FAM53B: variants seen among roughly 807,000 people sequenced by gnomAD.
The protein encoded by FAM53B is protein FAM53B.
FAM53B carries 12 observed loss-of-function variants against 32.7 expected under a neutral mutation model. The observed-to-expected ratio is 0.37, with a 90% confidence interval of 0.24 to 0.59. The LOEUF is 0.59. Among genes scored for constraint, FAM53B ranks in the 20% least tolerant of loss-of-function variants. The pLI is 0.72. For missense variants in FAM53B, 477 were observed against 577.7 expected (o/e 0.83, Z 1.79); for synonymous variants, 234 against 228.7 (o/e 1.02, Z -0.21).
chr10:124,711,220 G>A (rs536494811), intron 1 of FAM53B, among the ~76,000 whole-genome samples: 1 of 152,138 alleles, frequency 6.6e-6, no homozygotes, highest in Non-Finnish European at 1.5e-5. Context: ...GTCCCCAAAG[G>A]CTCACTATTC....
chr10:124,705,240 C>A (rs1949945649), intron 2 of FAM53B, among the ~76,000 whole-genome samples: 1 of 152,186 alleles, frequency 6.6e-6, no homozygotes, highest in Non-Finnish European at 1.5e-5. Flanking sequence ...AGACTGGCGT[C>A]CAGACACCAG....
rs559479166 is a variant in FAM53B at position 124,705,343 on chromosome 10, T to TG, written c.78+1292dup. ...CGGAGCCAGTGAGGCAGTTACTGCCTGCTCCAGGTTGCAGCTGCCTCATTT... is the reference window on the plus strand; with the variant it reads ...CGGAGCCAGTGAGGCAGTTACTGCCTGGCTCCAGGTTGCAGCTGCCTCATTT... On this transcript the variant is annotated intron_variant, in intron 2 of 4. Transcript: ENST00000337318. Among the ~76,000 whole-genome samples the TG allele has an allele frequency of 4.1e-4, 63 of 152,360 alleles. 1 individual carries two copies. In the East Asian group the frequency reaches 7.9e-3, roughly 19 times the overall value.
intron 1 of FAM53B, among the ~76,000 whole-genome samples, chr10:124,743,796 G>C (rs909344337): frequency 2.6e-5 from 4 of 151,872 alleles, no homozygotes. Flanking sequence ...GGGCGAGACC[G>C]AGCGCCCGGA....
intron 4 of FAM53B, among the ~76,000 whole-genome samples, chr10:124,658,119 C>T (rs1012234674): frequency 6.6e-6 from 1 of 152,234 alleles, no homozygotes; most frequent in Non-Finnish European, 1.5e-5. Flanking sequence ...AGTTCCCAGG[C>T]TCACCCAGCA....
Position 124,681,951 on chromosome 10 carries a change from G to T in FAM53B, c.562C>A (p.His188Asn). 6.2e-7 allele frequency: 1 copy of T among 1,614,034 alleles called. No homozygotes were observed. Among genetic ancestry groups the T allele is most frequent in the African/African-American group, 1.3e-5 (1 of 75,078 alleles). The change falls in exon 4 of 5, where the codon CAC becomes AAC. Residue 188 changes from histidine to asparagine, a missense_variant. Coordinates refer to ENST00000337318, the MANE Select transcript of FAM53B (RefSeq NM_014661.4). ...SSPCDQAGLH[H>N]RFGGQPCQGV... ...TGGCAGGGCTGCCCTCCAAATCGGT[G>T]GTGGAGTCCTGCCTGGTCGCAGGGT...
At chr10:124,738,514 G>A (rs543399688) in intron 1 of FAM53B, among the ~76,000 whole-genome samples, 6 of 152,028 alleles carry the variant, frequency 3.9e-5, no homozygotes, top group African/African-American at 1.4e-4. Context: ...TGCCTGGCCA[G>A]GCAGGCCTTG....
chr10:124,742,506 G>T (rs1233220473), intron 1 of FAM53B: 1 of 152,216 alleles, frequency 6.6e-6, no homozygotes, highest in African/African-American at 2.4e-5. Flanking sequence ...CTGGAGCAAG[G>T]AGGAATCTCC....
At position 124,635,778 on chromosome 10, in the gene FAM53B, C is replaced by T. The variant is rs563281626; in HGVS notation, c.907-12174G>A. The stretch of plus-strand genomic sequence containing the variant: ...CACAGCTGAAGCAGCCCGGAGGAGT[C>T]GGCAGGGGACCCCACAAAGTGGGTA... On this transcript the variant is annotated intron_variant, in intron 4 of 4. Transcript: ENST00000337318. Among the ~76,000 whole-genome samples, 8 of 152,228 alleles carry T rather than the reference C, an allele frequency of 5.3e-5. No homozygotes were observed. The South Asian group carries it at 1.2e-3, about 24-fold the overall frequency.
chr10:124,740,573 G>C (rs768543624), intron 1 of FAM53B, among the ~76,000 whole-genome samples: 3 of 152,160 alleles, frequency 2.0e-5, no homozygotes, highest in Non-Finnish European at 4.4e-5. Flanking sequence ...AGCTATTACA[G>C]TGCCGTCCCC....
intron 4 of FAM53B, among the ~76,000 whole-genome samples, chr10:124,657,361 T>C (rs567528523): frequency 2.6e-5 from 4 of 152,118 alleles, no homozygotes; most frequent in Non-Finnish European, 1.5e-5. Context: ...TTCCACACAT[T>C]GGTAAATGAT....
At chr10:124,656,066 A>T (rs1278691660) in intron 4 of FAM53B, among the ~76,000 whole-genome samples, 1 of 152,246 alleles carries the variant, frequency 6.6e-6, no homozygotes, top group Non-Finnish European at 1.5e-5. Flanking sequence ...GGTACCCAGC[A>T]CACAGTAGGT....
chr10:124,734,435 G>A (rs1340063840), intron 1 of FAM53B, among the ~76,000 whole-genome samples: 1 of 152,234 alleles, frequency 6.6e-6, no homozygotes, highest in African/African-American at 2.4e-5. Context: ...CAGTGGGTGA[G>A]GATGACACGC....
intron 1 of FAM53B, among the ~76,000 whole-genome samples, chr10:124,734,506 A>G (rs1950162937): frequency 6.6e-6 from 1 of 152,194 alleles, no homozygotes; most frequent in African/African-American, 2.4e-5. Context: ...GACACCTCAG[A>G]GACCTCCCTT....
intron 3 of FAM53B, among the ~76,000 whole-genome samples, chr10:124,689,145 G>A (rs780931968): frequency 2.8e-4 from 43 of 152,264 alleles, no homozygotes; most frequent in Admixed American, 1.3e-3. Flanking sequence ...TGGCCTCAGG[G>A]CCACAAAGAT....
intron 4 of FAM53B, among the ~76,000 whole-genome samples, chr10:124,639,341 AG>A (rs1477552919): frequency 6.6e-6 from 1 of 152,212 alleles, no homozygotes; most frequent in Non-Finnish European, 1.5e-5. Context: ...AAGAGGGCTG[AG>A]GACAGGGCCC....
chr10:124,657,932 A>C (rs930834044), intron 4 of FAM53B, among the ~76,000 whole-genome samples: 2 of 152,230 alleles, frequency 1.3e-5, no homozygotes, highest in Non-Finnish European at 2.9e-5. Flanking sequence ...GCTTCTCCGC[A>C]GCCAGGAAGG....
chr10:124,716,262 G>C (rs1349587679), intron 1 of FAM53B, among the ~76,000 whole-genome samples: 1 of 152,184 alleles, frequency 6.6e-6, no homozygotes. Context: ...GGAAGGACTG[G>C]GAGTCACACT....
intron 1 of FAM53B, among the ~76,000 whole-genome samples, chr10:124,712,117 G>C (rs753110249): frequency 2.6e-5 from 4 of 152,118 alleles, no homozygotes; most frequent in Non-Finnish European, 4.4e-5. Context: ...CACTACGGGA[G>C]ACTGACGTCA....
chr10:124,623,202 G>A lies in FAM53B; in HGVS notation c.*40C>T, dbSNP rs375094155. On this transcript the variant is annotated 3_prime_UTR_variant, in exon 5 of 5. Coordinates refer to ENST00000337318, the MANE Select transcript of FAM53B (RefSeq NM_014661.4). ...CCTAGTGCCCAGAGTGGGGGCTGTC[G>A]ATGCCAGCACACCCCAGCCCTGCCT... The A allele has an allele frequency of 3.9e-6, 6 of 1,531,248 alleles. No homozygotes were observed. Among genetic ancestry groups the A allele is most frequent in the East Asian group, 4.6e-5 (2 of 43,704 alleles). The allele number at this position is 1,531,248 out of a possible 1,614,324, so 94.9% of individuals were successfully genotyped here. A position where few individuals can be genotyped will look rare whatever the true frequency, so the allele number is the denominator to read the frequency against.
Sources: allele counts gnomAD v4.1 joint callset (sites outside exome capture counted in the v4.1 genomes callset), GRCh38; gene constraint gnomAD v4.1.1; transcripts MANE v1.5; gene names NCBI Gene and HGNC (gene_info 2026-07-23, HGNC 2026-07-21).